Variants in KSR2 observed in about 807,000 individuals in gnomAD.
KSR2 encodes kinase suppressor of ras 2.
In KSR2, 25 loss-of-function variants were observed where a neutral mutation model predicts 107.8. The ratio of observed to expected loss-of-function variants is 0.23; its 90% CI spans 0.17 to 0.32. The LOEUF is 0.32. Among genes scored for constraint, KSR2 ranks in the 10% least tolerant of loss-of-function variants. The probability of loss-of-function intolerance (pLI) is 1.00; values close to 1 mark genes in which losing one functional copy is unlikely to be tolerated. For missense variants in KSR2, 887 were observed against 1,268.9 expected, an observed-to-expected ratio of 0.70 and a Z score of 4.57; for synonymous variants, 480 against 507.0, an observed-to-expected ratio of 0.95 and a Z score of 0.71.
At chr12:117,816,034 T>C (rs940140677) in intron 3 of KSR2, among the ~76,000 whole-genome samples, 149 of 126,156 alleles carry the variant, frequency 1.2e-3, no homozygotes, top group African/African-American at 5.0e-3. Context: ...TGTGTGTGTG[T>C]GTGTGTTGGG....
chr12:117,633,385 C>CG (rs1169364184), intron 5 of KSR2, among the ~76,000 whole-genome samples: 1 of 152,190 alleles, frequency 6.6e-6, no homozygotes, highest in Non-Finnish European at 1.5e-5. Context: ...AACAGGTGTG[C>CG]GGGTTGCGCC....
chr12:117,868,661 A>G (rs1893554065), intron 1 of KSR2, among the ~76,000 whole-genome samples: 1 of 152,136 alleles, frequency 6.6e-6, no homozygotes, highest in Non-Finnish European at 1.5e-5. Flanking sequence ...CGAGATTCAA[A>G]CCCAGTCTAA....
chr12:117,672,151 G>A (rs1461784395), intron 4 of KSR2, among the ~76,000 whole-genome samples: 2 of 152,212 alleles, frequency 1.3e-5, no homozygotes, highest in Admixed American at 6.5e-5. Context: ...AAGCAAGGCG[G>A]TGGGGGGAGG....
intron 1 of KSR2, among the ~76,000 whole-genome samples, chr12:117,881,998 A>C (rs186494567): frequency 6.6e-6 from 1 of 152,314 alleles, no homozygotes; most frequent in Non-Finnish European, 1.5e-5. Flanking sequence ...GCATATTTAC[A>C]AAAGGATATA....
chr12:117,642,840 T>C (rs1319988422), intron 5 of KSR2, among the ~76,000 whole-genome samples: 3 of 152,126 alleles, frequency 2.0e-5, no homozygotes, highest in Non-Finnish European at 4.4e-5. Context: ...AAGTTGAGTT[T>C]TAAGGAGGAG....
At chr12:117,928,432 C>T (rs548232318) in intron 1 of KSR2, among the ~76,000 whole-genome samples, 1 of 152,330 alleles carries the variant, frequency 6.6e-6, no homozygotes, top group Admixed American at 6.5e-5. Flanking sequence ...AGTCTGCCCA[C>T]CTGGGCCTCC....
intron 1 of KSR2, among the ~76,000 whole-genome samples, chr12:117,920,314 G>T (rs1373371147): frequency 6.6e-6 from 1 of 151,560 alleles, no homozygotes; most frequent in Non-Finnish European, 1.5e-5. Flanking sequence ...TGCCCAGGCT[G>T]GTCTCGAACT....
At chr12:117,601,907 C>T (rs2136292988) in intron 5 of KSR2, among the ~76,000 whole-genome samples, 1 of 152,300 alleles carries the variant, frequency 6.6e-6, no homozygotes, top group Non-Finnish European at 1.5e-5. Context: ...AGAGCTAGGC[C>T]CAGCAAACAT....
chr12:117,500,863 T>TC (rs34128302), intron 14 of KSR2, among the ~76,000 whole-genome samples: 1 of 152,170 alleles, frequency 6.6e-6, no homozygotes, highest in Non-Finnish European at 1.5e-5. Flanking sequence ...TTCCACTGCC[T>TC]CCCCCTTTTC....
chr12:117,899,041 C>G (rs1894601550), intron 1 of KSR2, among the ~76,000 whole-genome samples: 1 of 152,108 alleles, frequency 6.6e-6, no homozygotes, highest in South Asian at 2.1e-4. Context: ...CGCAGATGAT[C>G]TCATTACATC....
intron 3 of KSR2, among the ~76,000 whole-genome samples, chr12:117,793,049 T>A (rs188769137): frequency 3.4e-5 from 4 of 119,076 alleles, no homozygotes; most frequent in Non-Finnish European, 6.7e-5. Context: ...CACGCTCACA[T>A]CAACATGCAC....
At chr12:117,929,017 G>A (rs1895618319) in intron 1 of KSR2, among the ~76,000 whole-genome samples, 1 of 152,170 alleles carries the variant, frequency 6.6e-6, no homozygotes, top group Non-Finnish European at 1.5e-5. Flanking sequence ...TGTGTCCTTT[G>A]GGATCAATGG....
intron 3 of KSR2, among the ~76,000 whole-genome samples, chr12:117,822,212 C>T (rs1261589541): frequency 6.6e-6 from 1 of 152,166 alleles, no homozygotes; most frequent in African/African-American, 2.4e-5. Context: ...TAAAAATGGG[C>T]AACCAGCAGC....
intron 3 of KSR2, among the ~76,000 whole-genome samples, chr12:117,785,241 C>A (rs138349190): frequency 0.022 from 3,341 of 151,608 alleles, 130 homozygotes; most frequent in African/African-American, 0.076. Context: ...ATGGTGAAAC[C>A]CCATCTCTAC....
At chr12:117,604,638 TC>T (rs1385678905) in intron 5 of KSR2, among the ~76,000 whole-genome samples, 1 of 152,150 alleles carries the variant, frequency 6.6e-6, no homozygotes, top group African/African-American at 2.4e-5. Flanking sequence ...CCCACAGTTT[TC>T]CTAATTTTTA....
intron 3 of KSR2, among the ~76,000 whole-genome samples, chr12:117,773,721 G>GA (rs1445941213): frequency 6.6e-6 from 1 of 152,226 alleles, no homozygotes; most frequent in Non-Finnish European, 1.5e-5. Flanking sequence ...ATTGGTAGAA[G>GA]AAAAAAACTG....
chr12:117,950,752 T>A (rs200804258), intron 1 of KSR2, among the ~76,000 whole-genome samples: 4,336 of 132,634 alleles, frequency 0.033, 87 homozygotes, highest in Non-Finnish European at 0.045. Context: ...AAAAAAAAAA[T>A]AATAATAATA....
At chr12:117,905,397 T>G (rs1894809677) in intron 1 of KSR2, among the ~76,000 whole-genome samples, 1 of 152,154 alleles carries the variant, frequency 6.6e-6, no homozygotes, top group Non-Finnish European at 1.5e-5. Context: ...AGCACGTAAC[T>G]ATTAAAATGC....
intron 1 of KSR2, among the ~76,000 whole-genome samples, chr12:117,928,311 T>C (rs1895597901): frequency 6.6e-6 from 1 of 151,732 alleles, no homozygotes; most frequent in Non-Finnish European, 1.5e-5. Flanking sequence ...GCCTCCCGAG[T>C]AGCTGGAACT....
Sources: gnomAD v4.1 joint callset for allele counts (sites outside exome capture counted in the v4.1 genomes callset) on GRCh38, gnomAD v4.1.1 for gene constraint, MANE v1.5 for transcripts, NCBI Gene and HGNC (gene_info 2026-07-23, HGNC 2026-07-21) for gene names.